Variants in EPB41 observed in about 807,000 individuals in gnomAD.
EPB41 encodes the protein erythrocyte membrane protein band 4.1.
In EPB41, 65 loss-of-function variants were observed where a neutral mutation model predicts 108.0. The ratio of observed to expected loss-of-function variants is 0.60; its 90% CI spans 0.49 to 0.74. The LOEUF is 0.74. Among genes scored for constraint, EPB41 ranks in the 30% least tolerant of loss-of-function variants. EPB41 has a pLI of 0.00. For missense variants in EPB41, 875 were observed against 1,037.0 expected, an observed-to-expected ratio of 0.84 and a Z score of 2.15; for synonymous variants, 336 against 358.9, an observed-to-expected ratio of 0.94 and a Z score of 0.72.
chr1:29,052,928 C>T lies in EPB41; in HGVS notation c.1637-176C>T, dbSNP rs566395589. ...GAGGGTACATTTAACTTCCTTGTTG[C>T]TATCAGTTCCCTGGCAGAGCACTAA... On this transcript the variant is annotated intron_variant, in intron 11 of 20. Transcript: ENST00000343067. Among the ~76,000 whole-genome samples the T allele has an allele frequency of 2.0e-5, 3 of 152,352 alleles. No individual in the cohort carries two copies. The South Asian group carries it at 6.2e-4, about 32-fold the overall frequency.
intron 5 of EPB41, among the ~76,000 whole-genome samples, chr1:29,014,805 C>G (rs1196604185): frequency 6.6e-6 from 1 of 151,984 alleles, no homozygotes; most frequent in Non-Finnish European, 1.5e-5. Flanking sequence ...TTTTGTTTAA[C>G]ATAATTTGGA....
At chr1:28,921,952 A>ATG (rs2093113827) in intron 1 of EPB41, among the ~76,000 whole-genome samples, 1 of 118,726 alleles carries the variant, frequency 8.4e-6, no homozygotes, top group South Asian at 3.5e-4. Flanking sequence ...ATATATATAT[A>ATG]TATATATATA....
At chr1:28,891,038 G>T (rs1286057948) in intron 1 of EPB41, 23 of 968,076 alleles carry the variant, frequency 2.4e-5, no homozygotes, top group Non-Finnish European at 2.8e-5. Flanking sequence ...GGCAGAGGGA[G>T]CAACCTCCAG....
chr1:29,060,562 T>A, intron 15 of EPB41, 78 bp downstream of exon 15: 1 of 1,333,324 alleles, frequency 7.5e-7, no homozygotes. Flanking sequence ...TTTTCTTCAT[T>A]CTGTGCTGCA....
chr1:28,978,862 T>C lies in EPB41; in HGVS notation c.-7-8569T>C, dbSNP rs79798385. On this transcript the variant is annotated intron_variant, in intron 1 of 20. Coordinates refer to ENST00000343067, the MANE Select transcript of EPB41 (RefSeq NM_001376013.1). The stretch of plus-strand genomic sequence containing the variant: ...CTCCAGGTCTTGAGGATGAGAGTTA[T>C]ACCATCAACTTTTCTGGTTCTGAGG... 7.7e-3 allele frequency among the ~76,000 whole-genome samples: 1,170 copies of C among 151,514 alleles called. 57 individuals are homozygous for C. The highest frequency in any genetic ancestry group is 0.027 in the African/African-American group (1,101 of 40,906).
chr1:28,910,078 C>G (rs1433421862), upstream of EPB41, among the ~76,000 whole-genome samples: 1 of 147,096 alleles, frequency 6.8e-6, no homozygotes, highest in Non-Finnish European at 1.5e-5. Flanking sequence ...CAGAGTGAGA[C>G]CACTGTCTCA....
At position 28,987,572 on chromosome 1, in the gene EPB41, A is replaced by T. The variant is rs774352519; in HGVS notation, c.135A>T (p.Gly45=). 6.2e-7 allele frequency: 1 copy of T among 1,614,166 alleles called. No homozygotes were observed. The highest frequency in any genetic ancestry group is 8.5e-7 in the Non-Finnish European group (1 of 1,180,034). The part of the protein sequence containing the change: ...QEESCQTAAE[G]DNWCEQKLKA... ...AATCTTGTCAAACAGCAGCTGAAGG[A>T]GATAATTGGTGTGAACAGAAGCTGA... The change falls in exon 2 of 21, where the codon GGA becomes GGT. Residue 45 remains glycine, a synonymous_variant. Transcript: ENST00000343067.
chr1:29,004,007 ACTGC>A (rs1162150475), intron 4 of EPB41, among the ~76,000 whole-genome samples: 1 of 152,184 alleles, frequency 6.6e-6, no homozygotes, highest in East Asian at 1.9e-4. Flanking sequence ...AGGTGATCCA[ACTGC>A]CTTGCCTCGC....
chr1:29,038,521 G>T (rs75438019), intron 10 of EPB41, among the ~76,000 whole-genome samples: 1 of 152,068 alleles, frequency 6.6e-6, no homozygotes, highest in Non-Finnish European at 1.5e-5. Context: ...TCTCTTTTTG[G>T]TAGTATTTGA....
intron 17 of EPB41, among the ~76,000 whole-genome samples, chr1:29,102,431 A>G (rs1437898049): frequency 6.6e-6 from 1 of 151,960 alleles, no homozygotes; most frequent in South Asian, 2.1e-4. Flanking sequence ...AAAACAAAAC[A>G]AAAAACCAAC....
chr1:29,078,580 C>A (rs2151209371), intron 16 of EPB41, among the ~76,000 whole-genome samples: 1 of 151,852 alleles, frequency 6.6e-6, no homozygotes, highest in Middle Eastern at 3.4e-3. Flanking sequence ...GAGCTCAAGA[C>A]CCATCTCTAC....
chr1:29,029,483 G>C (rs1192853011), intron 7 of EPB41, among the ~76,000 whole-genome samples: 1 of 152,178 alleles, frequency 6.6e-6, no homozygotes, highest in Non-Finnish European at 1.5e-5. Context: ...GCTTTCTGTA[G>C]CTTGAGGCAG....
At chr1:29,085,409 T>A (rs529466916) in intron 16 of EPB41, among the ~76,000 whole-genome samples, 7 of 152,130 alleles carry the variant, frequency 4.6e-5, no homozygotes, top group African/African-American at 1.7e-4. Context: ...CCTCCCAAAT[T>A]GCTAGGATTA....
intron 1 of EPB41, chr1:28,890,936 C>A: frequency 1.0e-6 from 1 of 985,486 alleles, no homozygotes; most frequent in Non-Finnish European, 1.2e-6. Flanking sequence ...TGGAGCAAAG[C>A]TCTGAGCTCT....
chr1:28,891,189 C>A (rs115094538), intron 1 of EPB41, among the ~76,000 whole-genome samples: 5,730 of 152,342 alleles, frequency 0.038, 275 homozygotes, highest in African/African-American at 0.11. Context: ...AAAGCATGGA[C>A]TTAAATGAGT....
intron 16 of EPB41, among the ~76,000 whole-genome samples, chr1:29,088,905 T>G (rs560345367): frequency 6.6e-6 from 1 of 152,308 alleles, no homozygotes; most frequent in East Asian, 1.9e-4. Context: ...GGCCCAGGGA[T>G]TTGAATCCTG....
At chr1:29,041,980 C>T (rs1477204659) in intron 11 of EPB41, among the ~76,000 whole-genome samples, 1 of 152,174 alleles carries the variant, frequency 6.6e-6, no homozygotes, top group Non-Finnish European at 1.5e-5. Context: ...TGTTAGCTAT[C>T]ATTAAGATGC....
chr1:28,943,814 A>G (rs2094392015), intron 1 of EPB41, among the ~76,000 whole-genome samples: 1 of 152,170 alleles, frequency 6.6e-6, no homozygotes, highest in Non-Finnish European at 1.5e-5. Context: ...GGTTCCTCAA[A>G]AGACTAAATA....
intron 7 of EPB41, among the ~76,000 whole-genome samples, chr1:29,028,332 C>T (rs2096747786): frequency 6.6e-6 from 1 of 152,134 alleles, no homozygotes; most frequent in Non-Finnish European, 1.5e-5. Context: ...AATTGTGTCT[C>T]TTAATTTTAT....
Sources: gnomAD v4.1 joint callset for allele counts (sites outside exome capture counted in the v4.1 genomes callset) on GRCh38, gnomAD v4.1.1 for gene constraint, MANE v1.5 for transcripts, NCBI Gene and HGNC (gene_info 2026-07-23, HGNC 2026-07-21) for gene names.